H2BC12: variants seen among roughly 807,000 people sequenced by gnomAD.
H2BC12 encodes H2B clustered histone 12.
In H2BC12, 6 loss-of-function variants were observed where a neutral mutation model predicts 6.3. The observed-to-expected ratio is 0.95, with a 90% CI of 0.52 to 1.87. The LOEUF (loss-of-function observed/expected upper bound fraction) is 1.87, where lower values mean the gene tolerates loss of function less well. Ranked by LOEUF, H2BC12 falls within the 40% of genes most tolerant of loss-of-function variation. The pLI is 0.01. For missense variants in H2BC12, 119 were observed against 178.4 expected (o/e 0.67, Z 1.90); for synonymous variants, 132 against 78.5 (o/e 1.68, Z -3.60).
downstream of H2BC12, among the ~76,000 whole-genome samples, chr6:27,145,517 T>C (rs1760063083): frequency 6.6e-6 from 1 of 152,180 alleles, no homozygotes; most frequent in East Asian, 1.9e-4. Flanking sequence ...CACCTAATTC[T>C]AACCCACCAC....
At chr6:27,139,013 G>C in the H2BC12 span, 1 of 319,826 alleles carries the variant, frequency 3.1e-6, no homozygotes, top group African/African-American at 2.1e-5. Context: ...TATATGCAGA[G>C]ATAACATTCT....
chr6:27,145,459 C>T (rs1322980818), downstream of H2BC12, among the ~76,000 whole-genome samples: 2 of 152,142 alleles, frequency 1.3e-5, no homozygotes. Flanking sequence ...TCACACTGCT[C>T]ATCACCGGCA....
chr6:27,141,720 T>A (rs879655226), downstream of H2BC12, among the ~76,000 whole-genome samples: 1 of 152,196 alleles, frequency 6.6e-6, no homozygotes, highest in Non-Finnish European at 1.5e-5. Context: ...TATATAGTTA[T>A]GTTATTGTTA....
At chr6:27,144,460 T>G (rs1371223743), downstream of H2BC12, among the ~76,000 whole-genome samples, 18 of 17,632 alleles carry the variant, frequency 1.0e-3, no homozygotes, top group African/African-American at 5.1e-3. Flanking sequence ...AGACTCTGTC[T>G]GGGGGGGGGG....
downstream of H2BC12, among the ~76,000 whole-genome samples, chr6:27,145,818 G>A (rs181786292): frequency 5.0e-3 from 767 of 152,218 alleles, 6 homozygotes; most frequent in African/African-American, 0.013. Context: ...CCTTACCCTT[G>A]CAGACTATCC....
chr6:27,139,747 T>A, the H2BC12 span: 1 of 1,387,488 alleles, frequency 7.2e-7, no homozygotes, highest in South Asian at 1.5e-5. Flanking sequence ...AGTTCTGTCA[T>A]CCTATTTTAC....
chr6:27,143,117 C>CA (rs1760027203), downstream of H2BC12, among the ~76,000 whole-genome samples: 1 of 152,026 alleles, frequency 6.6e-6, no homozygotes, highest in South Asian at 2.1e-4. Context: ...TTTGGGAGGC[C>CA]AAGGCAGGTG....
the H2BC12 span, chr6:27,139,404 G>A: frequency 1.3e-5 from 21 of 1,614,116 alleles, no homozygotes; most frequent in Admixed American, 2.5e-4. Context: ...GTATCACCAA[G>A]CCAGCCATTC....
chr6:27,139,374 G>A, the H2BC12 span: 11 of 1,614,204 alleles, frequency 6.8e-6, no homozygotes, highest in Middle Eastern at 1.6e-4. Context: ...ACCGCAAGGT[G>A]CTGCGCGACA....
At chr6:27,139,355 C>A in the H2BC12 span, 1 of 1,613,858 alleles carries the variant, frequency 6.2e-7, no homozygotes, top group Non-Finnish European at 8.5e-7. Context: ...AAAGGGGGTG[C>A]CAAGCGCCAC....
the H2BC12 span, among the ~76,000 whole-genome samples, chr6:27,140,815 A>T: frequency 6.6e-6 from 1 of 151,964 alleles, no homozygotes; most frequent in African/African-American, 2.4e-5. Flanking sequence ...TTTTTATTTT[A>T]TGAGATTTGA....
chr6:27,141,895 G>C (rs972151645), downstream of H2BC12, among the ~76,000 whole-genome samples: 2 of 152,182 alleles, frequency 1.3e-5, no homozygotes, highest in Non-Finnish European at 2.9e-5. Context: ...TGCTCATTGA[G>C]TGTCTTATGG....
downstream of H2BC12, among the ~76,000 whole-genome samples, chr6:27,145,881 CAG>C (rs140607024): frequency 1.1e-3 from 167 of 152,214 alleles, no homozygotes; most frequent in African/African-American, 2.2e-3. Context: ...GAGATGGAAT[CAG>C]GGGGTGAGGG....
chr6:27,139,407 A>G, the H2BC12 span: 24 of 1,614,106 alleles, frequency 1.5e-5, no homozygotes, highest in Middle Eastern at 1.6e-3. Context: ...TCACCAAGCC[A>G]GCCATTCGGC....
the H2BC12 span, chr6:27,139,363 C>T: frequency 1.2e-6 from 2 of 1,614,100 alleles, no homozygotes; most frequent in Non-Finnish European, 8.5e-7. Context: ...TGCCAAGCGC[C>T]ACCGCAAGGT....
Position 27,146,709 on chromosome 6 carries a change from G to C in H2BC12, c.90C>G (p.Arg30=), listed in dbSNP as rs12207760. Residue 30 remains arginine, a synonymous_variant, in exon 1 of 1, where the codon CGC becomes CGG. Transcript: ENST00000356950. ...AGTAGCTCTCCTTGCGGCTGCGCTT[G>C]CGCTTCTTGCCGTCCTTCTTCTGCG... ...TKAQKKDGKK[R]KRSRKESYSV... 55,504 of 1,613,684 alleles carry C rather than the reference G, an allele frequency of 0.034. 560 individuals carry two copies. The highest frequency in any genetic ancestry group is 0.039 in the Non-Finnish European group (46,576 of 1,179,502).
chr6:27,139,280 G>A, the H2BC12 span: 33 of 1,566,448 alleles, frequency 2.1e-5, no homozygotes, highest in Non-Finnish European at 2.9e-5. Flanking sequence ...ATCACAGGCA[G>A]CAGACCTTTG....
chr6:27,146,673 C>T lies in H2BC12; in HGVS notation c.126G>A (p.Val42=), dbSNP rs566842066. The T allele has an allele frequency of 3.7e-6, 6 of 1,614,146 alleles. No homozygotes were observed. Among genetic ancestry groups the T allele is most frequent in the Admixed American group, 1.7e-5 (1 of 60,010 alleles). The change falls in exon 1 of 1, where the codon GTG becomes GTA. Residue 42 remains valine, a synonymous_variant. Coordinates refer to ENST00000356950, the MANE Select transcript of H2BC12 (RefSeq NM_001312653.2). Reference sequence around the variant, plus strand: ...GGTGGACCTGCTTCAGCACCTTGTACACGTATACGGAGTAGCTCTCCTTGC... The same window carrying T: ...GGTGGACCTGCTTCAGCACCTTGTATACGTATACGGAGTAGCTCTCCTTGC... ...RSRKESYSVY[V]YKVLKQVHPD... is the part of the protein sequence containing the mutation.
downstream of H2BC12, among the ~76,000 whole-genome samples, chr6:27,142,976 C>G (rs1280425207): frequency 1.3e-5 from 2 of 151,942 alleles, no homozygotes; most frequent in Non-Finnish European, 2.9e-5. Flanking sequence ...GAGTAACAAA[C>G]TGGCTTTCAG....
Sources: allele counts gnomAD v4.1 joint callset (sites outside exome capture counted in the v4.1 genomes callset), GRCh38; gene constraint gnomAD v4.1.1; transcripts MANE v1.5; gene names NCBI Gene and HGNC (gene_info 2026-07-23, HGNC 2026-07-21).